The following BMP8A variants were observed in gnomAD, a reference collection of about 807,000 sequenced individuals.
BMP8A encodes the protein bone morphogenetic protein 8a.
In BMP8A, 14 loss-of-function variants were observed where a neutral mutation model predicts 36.8. The observed-to-expected ratio is 0.38, with a 90% CI of 0.25 to 0.60. The LOEUF (loss-of-function observed/expected upper bound fraction) is 0.60, where lower values mean the gene tolerates loss of function less well. BMP8A is among the 20% of genes least tolerant of loss of function. The pLI is 0.63. For synonymous variants in BMP8A, 120 were observed against 237.7 expected (o/e 0.50, Z 4.55); for missense variants, 267 against 551.1 (o/e 0.48, Z 5.16).
At position 39,492,304 on chromosome 1, in the gene BMP8A, G is replaced by A. The variant is rs1329186787; in HGVS notation, c.313G>A (p.Val105Ile). The A allele has an allele frequency of 6.4e-7, 1 of 1,562,748 alleles. No homozygotes were observed. Among genetic ancestry groups the A allele is most frequent in the Non-Finnish European group, 8.6e-7 (1 of 1,165,716 alleles). ...GCAGCGCCTGGGCCGCGCCGACCTG[G>A]TCATGAGCTTCGTCAACATGGGTGA... is the stretch of plus-strand genomic sequence containing the variant. ...AEQRLGRADL[V>I]MSFVNMVERD... The change falls in exon 1 of 7, where the codon GTC becomes ATC. Residue 105 changes from valine (V) to isoleucine (I), a missense_variant. This residue lies in a region of BMP8A where 37 missense variants were observed against 39.5 expected (regional missense o/e 0.94). Transcript: ENST00000331593.
rs199639169 is a variant in BMP8A, at chr1:39,525,816, T to A, written c.*18T>A. On this transcript the variant is annotated 3_prime_UTR_variant, in exon 7 of 7. Coordinates refer to ENST00000331593, the MANE Select transcript of BMP8A (RefSeq NM_181809.4). Reference sequence around the variant, plus strand: ...GCCACTGAGTCAGCCCGCCCAGCCCTACTGCAGCCACCCTTCTCATCTGGA... The same window carrying A: ...GCCACTGAGTCAGCCCGCCCAGCCCAACTGCAGCCACCCTTCTCATCTGGA... 1,685 of 1,613,292 alleles carry A rather than the reference T, an allele frequency of 1.0e-3. 8 individuals carry two copies. The African/African-American group carries it at 0.015, about 14-fold the overall frequency.
chr1:39,498,741 C>T (rs370315692), intron 1 of BMP8A, among the ~76,000 whole-genome samples: 3 of 152,050 alleles, frequency 2.0e-5, no homozygotes, highest in African/African-American at 7.2e-5. Flanking sequence ...CCTGCCCCAC[C>T]GCCTTTGCTG....
intron 1 of BMP8A, among the ~76,000 whole-genome samples, chr1:39,502,807 G>T (rs1645264195): frequency 6.6e-6 from 1 of 152,220 alleles, no homozygotes; most frequent in Non-Finnish European, 1.5e-5. Flanking sequence ...ACTTTGGGAG[G>T]CCAAGGCGGG....
intron 3 of BMP8A, among the ~76,000 whole-genome samples, chr1:39,517,323 T>C (rs1645401444): frequency 6.7e-6 from 1 of 150,224 alleles, no homozygotes; most frequent in South Asian, 2.1e-4. Flanking sequence ...CTGTAATTTT[T>C]TTTTCTTTTT....
chr1:39,499,389 G>T (rs1040776707), intron 1 of BMP8A, among the ~76,000 whole-genome samples: 3 of 152,274 alleles, frequency 2.0e-5, no homozygotes, highest in African/African-American at 7.2e-5. Flanking sequence ...TCTGAGGGGA[G>T]ATGGGACAGG....
intron 1 of BMP8A, among the ~76,000 whole-genome samples, chr1:39,508,820 C>A (rs1004181230): frequency 2.0e-5 from 3 of 152,186 alleles, no homozygotes; most frequent in Non-Finnish European, 4.4e-5. Context: ...TGATAAAAAT[C>A]ATTATTTTCC....
In BMP8A at chr1:39,492,251, A is replaced by G. The variant is rs1645166258; in HGVS notation, c.260A>G (p.Asp87Gly). Residue 87 changes from aspartate to glycine, a missense_variant, in exon 1 of 7, where the codon GAC (aspartate) becomes GGC (glycine). Coordinates refer to ENST00000331593, the MANE Select transcript of BMP8A (RefSeq NM_181809.4). Reference protein sequence around the residue: ...MLDLYHAMAGDDDEDGAPAEQ... With the variant: ...MLDLYHAMAGGDDEDGAPAEQ... ...GACCTGTACCACGCCATGGCTGGCG[A>G]CGACGACGAGGACGGCGCGCCCGCG... The G allele has an allele frequency of 1.3e-6, 2 of 1,555,228 alleles. No individual in the cohort carries two copies. The highest frequency in any genetic ancestry group is 5.0e-5 in the East Asian group (2 of 40,202).
intron 1 of BMP8A, among the ~76,000 whole-genome samples, chr1:39,501,768 A>G (rs1645255631): frequency 6.6e-6 from 1 of 152,038 alleles, no homozygotes. Context: ...CAGCTGGGAC[A>G]TTTTCTTGGA....
At position 39,499,396 on chromosome 1, in the gene BMP8A, C is replaced by T. The variant is rs1175516132; in HGVS notation, c.334+7071C>T. Among the ~76,000 whole-genome samples the T allele has an allele frequency of 4.6e-5, 7 of 152,252 alleles. No homozygotes were observed. In the East Asian group the frequency reaches 9.6e-4, roughly 21 times the overall value. The stretch of plus-strand genomic sequence containing the variant: ...GGGGAGGGTCTGAGGGGAGATGGGA[C>T]AGGTCACAGGCCACAGGATTCTGCT... On this transcript the variant is annotated intron_variant, in intron 1 of 6. Transcript: ENST00000331593.
At chr1:39,504,157 C>T (rs1470791948) in intron 1 of BMP8A, among the ~76,000 whole-genome samples, 1 of 152,116 alleles carries the variant, frequency 6.6e-6, no homozygotes, top group Admixed American at 6.5e-5. Flanking sequence ...CCCCTCCACG[C>T]CTGTGGGTAT....
At chr1:39,494,647 G>C (rs1186408414) in intron 1 of BMP8A, among the ~76,000 whole-genome samples, 1 of 152,124 alleles carries the variant, frequency 6.6e-6, no homozygotes, top group African/African-American at 2.4e-5. Context: ...GAACCACCAT[G>C]CCTGGCCACG....
At chr1:39,493,722 T>C (rs1645181287) in intron 1 of BMP8A, among the ~76,000 whole-genome samples, 1 of 152,106 alleles carries the variant, frequency 6.6e-6, no homozygotes, top group Non-Finnish European at 1.5e-5. Context: ...GTATGCTGCC[T>C]TTGTAGTTAG....
rs1382745603 is a variant in BMP8A at position 39,527,738 on chromosome 1, G to A, written c.*1940G>A. On this transcript the variant is annotated 3_prime_UTR_variant, in exon 7 of 7. Coordinates refer to ENST00000331593, the MANE Select transcript of BMP8A (RefSeq NM_181809.4). ...CAGAGATTGGAAGAGGCAATGGCCT[G>A]AGTGTTAGGAGACAGGTATTCTGGT... Among the ~76,000 whole-genome samples, 1 of 152,250 alleles carries A rather than the reference G, an allele frequency of 6.6e-6. No individual in the cohort carries two copies. The highest frequency in any genetic ancestry group is 2.4e-5 in the African/African-American group (1 of 41,460).
At chr1:39,513,686 G>A (rs1198102028) in intron 3 of BMP8A, among the ~76,000 whole-genome samples, 1 of 151,896 alleles carries the variant, frequency 6.6e-6, no homozygotes, top group Non-Finnish European at 1.5e-5. Flanking sequence ...ATGTTACTGA[G>A]ATCACTGGTC....
intron 1 of BMP8A, among the ~76,000 whole-genome samples, chr1:39,506,812 G>C (rs946828735): frequency 6.6e-6 from 1 of 152,154 alleles, no homozygotes; most frequent in Admixed American, 6.5e-5. Context: ...CCCCACGGGG[G>C]CAGGAGCTGC....
intron 6 of BMP8A, 122 bp downstream of exon 6, chr1:39,523,239 C>T: frequency 1.6e-6 from 2 of 1,212,382 alleles, no homozygotes; most frequent in Non-Finnish European, 2.3e-6. Flanking sequence ...GCTTTGTCTG[C>T]ACAGAGTCAG....
In BMP8A at chr1:39,525,635, C is replaced by G. The variant is rs138573237; in HGVS notation, c.1060-14C>G. 3.1e-6 allele frequency: 5 copies of G among 1,613,316 alleles called. No homozygotes were observed. Among genetic ancestry groups the G allele is most frequent in the Non-Finnish European group, 4.2e-6 (5 of 1,179,958 alleles). On this transcript the variant is annotated splice_polypyrimidine_tract_variant and intron_variant, in intron 6 of 6. Transcript: ENST00000331593. ...CTGGCCTCATGCCCCTGCCTGTGCTCCCTTCCTGGCCAGGTGCACCTGATG... is the reference window on the plus strand; with the variant it reads ...CTGGCCTCATGCCCCTGCCTGTGCTGCCTTCCTGGCCAGGTGCACCTGATG...
chr1:39,494,888 T>C (rs1199950095), intron 1 of BMP8A, among the ~76,000 whole-genome samples: 1 of 152,134 alleles, frequency 6.6e-6, no homozygotes, highest in African/African-American at 2.4e-5. Flanking sequence ...CAGATCGTTG[T>C]TAGTGGAAGC....
Position 39,492,216 on chromosome 1 carries a change from C to G in BMP8A, c.225C>G (p.Leu75=). The G allele has an allele frequency of 6.7e-7, 1 of 1,487,558 alleles. No individual in the cohort carries two copies. The highest frequency in any genetic ancestry group is 8.9e-7 in the Non-Finnish European group (1 of 1,129,720). The allele number at this position is 1,487,558 out of a possible 1,614,324, so 92.1% of individuals were successfully genotyped here. A position where few individuals can be genotyped will look rare whatever the true frequency, so the allele number is the denominator to read the frequency against. The part of the protein sequence containing the change: ...AASRLPASAP[L]FMLDLYHAMA... ...CCCGGCTGCCCGCGTCCGCGCCGCT[C>G]TTCATGCTGGACCTGTACCACGCCA... The change falls in exon 1 of 7, where the codon CTC becomes CTG. Residue 75 remains leucine (L), a synonymous_variant. Transcript: ENST00000331593.
Sources: gnomAD v4.1 joint callset for allele counts (sites outside exome capture counted in the v4.1 genomes callset) on GRCh38, gnomAD v4.1.1 for gene constraint, gnomAD v4.1.1 regional missense constraint, MANE v1.5 for transcripts, NCBI Gene and HGNC (gene_info 2026-07-23, HGNC 2026-07-21) for gene names.